The following GPM6A variants were observed in gnomAD, a reference collection of about 807,000 sequenced individuals.
GPM6A encodes the protein neuronal membrane glycoprotein M6-a.
GPM6A carries 7 observed loss-of-function variants against 32.1 expected under a neutral mutation model. The observed-to-expected ratio is 0.22, with a 90% CI of 0.12 to 0.41. The LOEUF (loss-of-function observed/expected upper bound fraction) is 0.41, where lower values mean the gene tolerates loss of function less well. GPM6A is among the 10% of genes least tolerant of loss of function. The probability of loss-of-function intolerance (pLI) is 1.00; values close to 1 mark genes in which losing one functional copy is unlikely to be tolerated. For missense variants in GPM6A, 235 were observed against 347.2 expected (o/e 0.68, Z 2.57); for synonymous variants, 130 against 123.4 (o/e 1.05, Z -0.35).
rs373161746 is a variant in GPM6A, at chr4:175,932,312, A to G, written c.-23+69997T>C. Reference sequence around the variant, plus strand: ...GGCTCTTATAAACAAGACTGCACACAATGCTCTGCCCTCTTGCCTTCCATC... The same window carrying G: ...GGCTCTTATAAACAAGACTGCACACGATGCTCTGCCCTCTTGCCTTCCATC... On this transcript the variant is annotated intron_variant, in intron 1 of 7. Transcript: ENST00000280187. Among the ~76,000 whole-genome samples the G allele has an allele frequency of 5.0e-4, 76 of 152,248 alleles. 2 individuals are homozygous for G. The East Asian group carries it at 0.013, about 27-fold the overall frequency.
intron 1 of GPM6A, among the ~76,000 whole-genome samples, chr4:175,720,418 A>G (rs1746058454): frequency 6.6e-6 from 1 of 152,188 alleles, no homozygotes; most frequent in African/African-American, 2.4e-5. Context: ...ATACTGCAAA[A>G]TAGAAGAATG....
At chr4:175,794,300 C>A (rs1368744023) in intron 1 of GPM6A, among the ~76,000 whole-genome samples, 1 of 152,162 alleles carries the variant, frequency 6.6e-6, no homozygotes, top group South Asian at 2.1e-4. Context: ...GTTATCTCAA[C>A]AAGTGTTAAA....
chr4:175,653,339 C>A (rs2877886), intron 3 of GPM6A, among the ~76,000 whole-genome samples: 88,244 of 151,852 alleles, frequency 0.58, 28,784 homozygotes, highest in Non-Finnish European at 0.75. Flanking sequence ...TACTTCAGAA[C>A]CCCAGAGCAT....
chr4:175,787,463 T>G, intron 1 of GPM6A: 1 of 1,496,608 alleles, frequency 6.7e-7, no homozygotes, highest in Non-Finnish European at 8.8e-7. Flanking sequence ...GTTCTGAGAT[T>G]TTTTCTAAAT....
intron 1 of GPM6A, among the ~76,000 whole-genome samples, chr4:175,723,414 A>ATTTTAT (rs1031872670): frequency 6.6e-6 from 1 of 152,070 alleles, no homozygotes; most frequent in Non-Finnish European, 1.5e-5. Context: ...TCAACCATTT[A>ATTTTAT]TTTTATTTTT....
At chr4:175,898,469 T>C (rs1737860002) in intron 1 of GPM6A, among the ~76,000 whole-genome samples, 1 of 152,164 alleles carries the variant, frequency 6.6e-6, no homozygotes, top group Admixed American at 6.5e-5. Context: ...TTCCCTCTTC[T>C]GGTTGATACC....
intron 1 of GPM6A, among the ~76,000 whole-genome samples, chr4:175,838,795 A>C (rs1735853446): frequency 6.6e-6 from 1 of 151,510 alleles, no homozygotes; most frequent in Admixed American, 6.6e-5. Flanking sequence ...CTGGGACTGC[A>C]GGCCCACAAC....
chr4:175,706,777 C>A (rs893784014), intron 1 of GPM6A, among the ~76,000 whole-genome samples: 2 of 152,082 alleles, frequency 1.3e-5, no homozygotes, highest in African/African-American at 4.8e-5. Context: ...TTCTAAGTCA[C>A]AGGATGAGAG....
At chr4:175,741,448 T>C (rs1731883599) in intron 1 of GPM6A, among the ~76,000 whole-genome samples, 2 of 152,162 alleles carry the variant, frequency 1.3e-5, no homozygotes, top group South Asian at 4.1e-4. Flanking sequence ...CGTATGTATC[T>C]GAGGATATAA....
intron 1 of GPM6A, among the ~76,000 whole-genome samples, chr4:175,901,628 CTTT>C (rs59461626): frequency 1.6e-5 from 2 of 127,042 alleles, no homozygotes; most frequent in Non-Finnish European, 3.2e-5. Flanking sequence ...TTTTCTTTTT[CTTT>C]TTTTTTTTTC....
At chr4:175,782,045 GT>G (rs1343713589) in intron 1 of GPM6A, among the ~76,000 whole-genome samples, 75 of 152,168 alleles carry the variant, frequency 4.9e-4, no homozygotes, top group Non-Finnish European at 5.9e-5. Flanking sequence ...AATAATAATG[GT>G]GTCTATCTCA....
intron 1 of GPM6A, among the ~76,000 whole-genome samples, chr4:175,973,373 ATAT>A (rs2126426865): frequency 6.6e-6 from 1 of 152,324 alleles, no homozygotes; most frequent in South Asian, 2.1e-4. Context: ...GCTGTTTAAC[ATAT>A]TGTTGTTTTC....
chr4:175,812,408 C>G (rs11943437), upstream of GPM6A: 1 of 1,295,560 alleles, frequency 7.7e-7, no homozygotes, highest in African/African-American at 1.7e-5. Context: ...CCTCGTTCCT[C>G]TTGTTTGCTT....
At chr4:175,768,047 GAGGAGAAAACACAACAAA>G (rs1222481170) in intron 1 of GPM6A, among the ~76,000 whole-genome samples, 6 of 152,156 alleles carry the variant, frequency 3.9e-5, no homozygotes, top group African/African-American at 1.2e-4. Context: ...CCCTAAAACT[GAGGAGAAAACACAACAAA>G]ATTGGAACTT....
intron 1 of GPM6A, among the ~76,000 whole-genome samples, chr4:175,804,621 A>T (rs932256815): frequency 1.3e-5 from 2 of 152,224 alleles, no homozygotes; most frequent in Non-Finnish European, 2.9e-5. Context: ...CAGTGCCTGG[A>T]TTATTAAATA....
At chr4:175,909,951 A>C (rs570028133) in intron 1 of GPM6A, among the ~76,000 whole-genome samples, 2 of 152,220 alleles carry the variant, frequency 1.3e-5, no homozygotes, top group South Asian at 4.1e-4. Flanking sequence ...TAAAAAGCCC[A>C]CCTATTTTCC....
chr4:175,697,202 C>A (rs138495699), intron 2 of GPM6A, among the ~76,000 whole-genome samples: 3 of 152,240 alleles, frequency 2.0e-5, no homozygotes, highest in African/African-American at 7.2e-5. Context: ...AAAGCCAAGT[C>A]ACTTAGCAAA....
At chr4:175,799,533 CA>C (rs1366595248) in intron 1 of GPM6A, among the ~76,000 whole-genome samples, 1 of 152,004 alleles carries the variant, frequency 6.6e-6, no homozygotes, top group African/African-American at 2.4e-5. Flanking sequence ...AAAGTGAAAG[CA>C]TATGAGGCAC....
intron 1 of GPM6A, among the ~76,000 whole-genome samples, chr4:175,984,187 A>G (rs7679710): frequency 0.23 from 35,219 of 151,924 alleles, 5,614 homozygotes; most frequent in African/African-American, 0.45. Context: ...TATTGAGACG[A>G]AGTCTTGCTC....
Sources: allele counts gnomAD v4.1 joint callset (sites outside exome capture counted in the v4.1 genomes callset), GRCh38; gene constraint gnomAD v4.1.1; transcripts MANE v1.5; gene names NCBI Gene and HGNC (gene_info 2026-07-23, HGNC 2026-07-21).